Variants in HIPK2 observed in about 807,000 individuals in gnomAD.
HIPK2 encodes homeodomain-interacting protein kinase 2.
In HIPK2, 27 loss-of-function variants were observed where a neutral mutation model predicts 113.7. The observed-to-expected ratio is 0.24, with a 90% CI of 0.17 to 0.33. The LOEUF (loss-of-function observed/expected upper bound fraction) is 0.33, where lower values mean the gene tolerates loss of function less well. Among genes scored for constraint, HIPK2 ranks in the 10% least tolerant of loss-of-function variants. The pLI, the probability that HIPK2 is intolerant of heterozygous loss-of-function variation, is 1.00. For synonymous variants in HIPK2, 631 were observed against 642.2 expected (o/e 0.98, Z 0.26); for missense variants, 1,257 against 1,588.0 (o/e 0.79, Z 3.54).
chr7:139,745,920 A>G (rs1191708216), intron 1 of HIPK2, among the ~76,000 whole-genome samples: 1 of 152,180 alleles, frequency 6.6e-6, no homozygotes, highest in African/African-American at 2.4e-5. Context: ...TTATTTCAAC[A>G]CAGAAAAGGA....
chr7:139,737,277 G>A (rs141235932), intron 1 of HIPK2, among the ~76,000 whole-genome samples: 2 of 152,256 alleles, frequency 1.3e-5, no homozygotes, highest in African/African-American at 2.4e-5. Flanking sequence ...TTGAAATATA[G>A]GAAAGGATAC....
chr7:139,584,381 G>A (rs1363454241), intron 12 of HIPK2, among the ~76,000 whole-genome samples: 2 of 152,176 alleles, frequency 1.3e-5, no homozygotes, highest in Non-Finnish European at 2.9e-5. Context: ...TGCAGGGGAG[G>A]CACCTGCAGC....
At chr7:139,574,036 C>T (rs1419756642) in intron 14 of HIPK2, among the ~76,000 whole-genome samples, 5 of 152,112 alleles carry the variant, frequency 3.3e-5, no homozygotes, top group South Asian at 2.1e-4. Flanking sequence ...ACCTAGCTCA[C>T]TGTAGCCTTG....
At chr7:139,691,433 A>G (rs985797669) in intron 2 of HIPK2, among the ~76,000 whole-genome samples, 1 of 152,242 alleles carries the variant, frequency 6.6e-6, no homozygotes, top group African/African-American at 2.4e-5. Context: ...ATAATAGCAG[A>G]TAGCCAATGT....
intron 1 of HIPK2, among the ~76,000 whole-genome samples, chr7:139,740,678 A>G (rs1796076304): frequency 2.6e-5 from 4 of 152,210 alleles, no homozygotes. Flanking sequence ...TAGTCCTAAT[A>G]TATTTCAGAG....
intron 2 of HIPK2, among the ~76,000 whole-genome samples, chr7:139,645,473 A>G (rs1569462934): frequency 6.6e-6 from 1 of 152,228 alleles, no homozygotes; most frequent in African/African-American, 2.4e-5. Flanking sequence ...TAAAACAGGT[A>G]TCGTCTGAGG....
intron 1 of HIPK2, among the ~76,000 whole-genome samples, chr7:139,731,299 T>G (rs1321854161): frequency 1.3e-5 from 2 of 152,242 alleles, no homozygotes; most frequent in Non-Finnish European, 2.9e-5. Flanking sequence ...ACAGCTTTAC[T>G]CCCACGTTTT....
intron 6 of HIPK2, among the ~76,000 whole-genome samples, chr7:139,625,559 G>C (rs73156858): frequency 0.016 from 2,414 of 152,288 alleles, 20 homozygotes; most frequent in Middle Eastern, 0.037. Flanking sequence ...TCTGGGATGG[G>C]TGCATGGTCC....
chr7:139,579,147 C>T lies in HIPK2; in HGVS notation c.2966-3859G>A, dbSNP rs75255896. Among the ~76,000 whole-genome samples, 194 of 152,314 alleles carry T rather than the reference C, an allele frequency of 1.3e-3. 2 individuals carry two copies. The highest frequency in any genetic ancestry group is 4.4e-3 in the African/African-American group (182 of 41,574). ...TTCGCCAAAATGCGGTGCTATTGTT[C>T]CACAGAGCCCCAACTCTAAAGCAGT... On this transcript the variant is annotated intron_variant, in intron 13 of 14. Transcript: ENST00000406875.
chr7:139,606,675 G>T (rs10251067), intron 9 of HIPK2, among the ~76,000 whole-genome samples: 1 of 152,216 alleles, frequency 6.6e-6, no homozygotes, highest in Non-Finnish European at 1.5e-5. Context: ...ATTCTCTCTA[G>T]GGGAAATGAC....
At chr7:139,645,150 C>G (rs1014588778) in intron 2 of HIPK2, among the ~76,000 whole-genome samples, 1 of 152,192 alleles carries the variant, frequency 6.6e-6, no homozygotes, top group Non-Finnish European at 1.5e-5. Context: ...GCCCCGAATC[C>G]CCAACTCTCA....
intron 1 of HIPK2, among the ~76,000 whole-genome samples, chr7:139,738,436 G>C (rs148959872): frequency 2.0e-5 from 3 of 152,370 alleles, no homozygotes; most frequent in African/African-American, 7.2e-5. Context: ...TGGTGTGACT[G>C]AGGAACTGAA....
intron 1 of HIPK2, among the ~76,000 whole-genome samples, chr7:139,755,659 T>C (rs1426190092): frequency 2.0e-5 from 3 of 152,204 alleles, no homozygotes; most frequent in Non-Finnish European, 2.9e-5. Flanking sequence ...GATGCTCTGG[T>C]CCCACATCCA....
chr7:139,625,583 G>A (rs1335041210), intron 6 of HIPK2, among the ~76,000 whole-genome samples: 1 of 152,184 alleles, frequency 6.6e-6, no homozygotes, highest in Non-Finnish European at 1.5e-5. Flanking sequence ...CCATGGGGGA[G>A]TGTCCTGTCC....
At chr7:139,769,723 C>T (rs1011139933) in intron 1 of HIPK2, among the ~76,000 whole-genome samples, 1 of 152,210 alleles carries the variant, frequency 6.6e-6, no homozygotes, top group African/African-American at 2.4e-5. Context: ...AAATTAATTT[C>T]CCTCTCTACC....
At chr7:139,627,926 G>A (rs1185763186) in intron 5 of HIPK2, among the ~76,000 whole-genome samples, 1 of 152,220 alleles carries the variant, frequency 6.6e-6, no homozygotes, top group Non-Finnish European at 1.5e-5. Flanking sequence ...CCAGTCCCCA[G>A]TTGGTGTGAA....
chr7:139,562,034 T>C lies in HIPK2; in HGVS notation c.*10893A>G, dbSNP rs1569432442. The C allele has an allele frequency of 6.6e-6, 1 of 152,214 alleles. No homozygotes were observed. Among genetic ancestry groups the C allele is most frequent in the African/African-American group, 2.4e-5 (1 of 41,452 alleles). 9.4% of individuals were successfully genotyped at this position (152,214 alleles called of 1,614,324 possible). A position where few individuals can be genotyped will look rare whatever the true frequency, so the allele number is the denominator to read the frequency against. On this transcript the variant is annotated 3_prime_UTR_variant, in exon 15 of 15. Transcript: ENST00000406875. ...TAAAGCCAAGTAAAATATCCATTCTTATAACATACCTATAATATGAGACTA... is the reference window on the plus strand; with the variant it reads ...TAAAGCCAAGTAAAATATCCATTCTCATAACATACCTATAATATGAGACTA...
intron 12 of HIPK2, among the ~76,000 whole-genome samples, chr7:139,590,412 T>A (rs190957748): frequency 9.8e-4 from 149 of 152,292 alleles, no homozygotes; most frequent in African/African-American, 3.3e-3. Context: ...AGATCAGATA[T>A]AACCTGTGAC....
intron 9 of HIPK2, among the ~76,000 whole-genome samples, chr7:139,606,099 G>T (rs1242801253): frequency 2.6e-5 from 4 of 152,180 alleles, no homozygotes; most frequent in Non-Finnish European, 5.9e-5. Context: ...AGGGTAGAAA[G>T]ACTATTTTTG....
Sources: gnomAD v4.1 joint callset for allele counts (sites outside exome capture counted in the v4.1 genomes callset) on GRCh38, gnomAD v4.1.1 for gene constraint, MANE v1.5 for transcripts, NCBI Gene and HGNC (gene_info 2026-07-23, HGNC 2026-07-21) for gene names.